The following ADGRV1 variants were observed in gnomAD, a reference collection of about 807,000 sequenced individuals.
The protein encoded by ADGRV1 is adhesion G protein-coupled receptor V1.
In ADGRV1, 359 loss-of-function variants were observed where a neutral mutation model predicts 596.2. The ratio of observed to expected loss-of-function variants is 0.60; its 90% CI spans 0.55 to 0.66. The LOEUF (loss-of-function observed/expected upper bound fraction) is 0.66, where lower values mean the gene tolerates loss of function less well. Among genes scored for constraint, ADGRV1 ranks in the 30% least tolerant of loss-of-function variants. The pLI is 0.00. For missense variants in ADGRV1, 7,274 were observed against 7,575.6 expected (o/e 0.96, Z 1.48); for synonymous variants, 2,681 against 2,679.2 (o/e 1.00, Z -0.02).
chr5:90,726,650 G>GGT (rs1554096489), intron 48 of ADGRV1, among the ~76,000 whole-genome samples: 2 of 117,792 alleles, frequency 1.7e-5, no homozygotes, highest in South Asian at 3.2e-4. Context: ...TCTCTCTCTG[G>GGT]GTATGTGTGT....
chr5:91,062,625 G>T (rs889304952), intron 85 of ADGRV1, among the ~76,000 whole-genome samples: 2 of 152,118 alleles, frequency 1.3e-5, no homozygotes, highest in Non-Finnish European at 2.9e-5. Context: ...CGTTTGGCCA[G>T]TCTGCAGATC....
At chr5:90,813,701 A>G (rs1244031743) in intron 74 of ADGRV1, among the ~76,000 whole-genome samples, 2 of 152,144 alleles carry the variant, frequency 1.3e-5, no homozygotes, top group African/African-American at 4.8e-5. Context: ...ATAATACCTT[A>G]AGTTCCTTTA....
chr5:90,749,447 A>G (rs1755004683), intron 52 of ADGRV1, among the ~76,000 whole-genome samples: 1 of 152,200 alleles, frequency 6.6e-6, no homozygotes, highest in Admixed American at 6.5e-5. Context: ...CATTTTATTT[A>G]GGAATGTTTG....
chr5:90,776,703 ACATCC>A, intron 61 of ADGRV1, 127 bp downstream of exon 61: 1 of 1,065,050 alleles, frequency 9.4e-7, no homozygotes, highest in Non-Finnish European at 1.4e-6. Context: ...TATACTGTTA[ACATCC>A]TGTGGAGAGG....
chr5:91,163,352 A>G (rs142726504), intron 89 of ADGRV1, among the ~76,000 whole-genome samples: 1 of 152,272 alleles, frequency 6.6e-6, no homozygotes, highest in African/African-American at 2.4e-5. Flanking sequence ...ACTGCCCAAC[A>G]CTGAATCTCA....
intron 83 of ADGRV1, among the ~76,000 whole-genome samples, chr5:90,878,464 G>A (rs1769427601): frequency 6.6e-6 from 1 of 152,202 alleles, no homozygotes; most frequent in Non-Finnish European, 1.5e-5. Context: ...CTAACGTTAA[G>A]TGGTTTAGAA....
At chr5:90,562,583 T>C (rs1754985668) in intron 1 of ADGRV1, among the ~76,000 whole-genome samples, 1 of 152,180 alleles carries the variant, frequency 6.6e-6, no homozygotes, top group African/African-American at 2.4e-5. Flanking sequence ...CAGGTGGTCA[T>C]GGGGCCCTTT....
At chr5:90,913,969 C>A (rs934094489) in intron 83 of ADGRV1, among the ~76,000 whole-genome samples, 3 of 152,104 alleles carry the variant, frequency 2.0e-5, no homozygotes, top group African/African-American at 7.2e-5. Flanking sequence ...ACTTAATAAG[C>A]CCCTCTTAGC....
intron 85 of ADGRV1, among the ~76,000 whole-genome samples, chr5:91,024,601 C>G (rs566063464): frequency 6.6e-6 from 1 of 151,976 alleles, no homozygotes; most frequent in Admixed American, 6.6e-5. Flanking sequence ...TGCCCCTGAT[C>G]GTAGGCATAC....
In ADGRV1 at chr5:90,653,745, G is replaced by A. The variant is rs766007827; in HGVS notation, c.4171G>A (p.Glu1391Lys). The change falls in exon 20 of 90, where the codon GAA becomes AAA. Residue 1391 changes from glutamate to lysine, a missense_variant. Coordinates refer to ENST00000405460, the MANE Select transcript of ADGRV1 (RefSeq NM_032119.4). ...CTACGGGGTAAAAATACAAACAAAC[G>A]AATCCCATGTGACACTTTCCCTTCA... ...IYYGVKIQTN[E>K]SHVTLSLHYK... The A allele has an allele frequency of 5.9e-5, 95 of 1,612,872 alleles. No homozygotes were observed. In the East Asian group the frequency reaches 1.9e-3, roughly 32 times the overall value.
At chr5:90,564,727 C>G (rs1180759539) in intron 1 of ADGRV1, among the ~76,000 whole-genome samples, 2 of 51,794 alleles carry the variant, frequency 3.9e-5, no homozygotes, top group African/African-American at 1.2e-4. Flanking sequence ...CCCGGGTTCA[C>G]GCCATTCTCC....
chr5:90,741,995 CAA>C, intron 50 of ADGRV1, among the ~76,000 whole-genome samples: 1 of 152,268 alleles, frequency 6.6e-6, no homozygotes, highest in Non-Finnish European at 1.5e-5. Context: ...ATGAATATGA[CAA>C]AGACTACAAG....
chr5:90,581,796 T>C (rs1758097041), intron 1 of ADGRV1, among the ~76,000 whole-genome samples: 1 of 152,240 alleles, frequency 6.6e-6, no homozygotes, highest in African/African-American at 2.4e-5. Flanking sequence ...GACAGGGCTC[T>C]AACTTCTTGA....
intron 83 of ADGRV1, among the ~76,000 whole-genome samples, chr5:90,906,087 C>T (rs1000051458): frequency 6.6e-6 from 1 of 152,016 alleles, no homozygotes; most frequent in African/African-American, 2.4e-5. Flanking sequence ...CCCACTTGAC[C>T]ATGATGAATA....
intron 83 of ADGRV1, chr5:90,931,026 A>C (rs1384793170): frequency 1.3e-5 from 2 of 152,084 alleles, no homozygotes; most frequent in Non-Finnish European, 2.9e-5. Context: ...TCCCAAGGTG[A>C]CTCGGAATAG....
intron 83 of ADGRV1, among the ~76,000 whole-genome samples, chr5:90,949,848 C>G (rs924022929): frequency 2.0e-5 from 3 of 150,020 alleles, no homozygotes; most frequent in African/African-American, 7.4e-5. Context: ...TTAAAATGGA[C>G]TGTGTGCATT....
At chr5:90,901,169 C>A (rs1771806024) in intron 83 of ADGRV1, among the ~76,000 whole-genome samples, 1 of 152,064 alleles carries the variant, frequency 6.6e-6, no homozygotes, top group Non-Finnish European at 1.5e-5. Flanking sequence ...GACCATTAGG[C>A]CCAAGTCAAA....
intron 83 of ADGRV1, among the ~76,000 whole-genome samples, chr5:90,945,731 A>G (rs927082012): frequency 2.6e-5 from 4 of 152,140 alleles, no homozygotes; most frequent in Non-Finnish European, 2.9e-5. Flanking sequence ...CACTCCTGTA[A>G]TCCCAGCACC....
At chr5:91,028,759 A>C (rs944168064) in intron 85 of ADGRV1, among the ~76,000 whole-genome samples, 24 of 52,830 alleles carry the variant, frequency 4.5e-4, no homozygotes, top group Non-Finnish European at 9.5e-4. Flanking sequence ...TTTTTTTAGG[A>C]GTCTTGCTTT....
Sources: allele counts gnomAD v4.1 joint callset (sites outside exome capture counted in the v4.1 genomes callset), GRCh38; gene constraint gnomAD v4.1.1; transcripts MANE v1.5; gene names NCBI Gene and HGNC (gene_info 2026-07-23, HGNC 2026-07-21).